RFC5: variants seen among roughly 807,000 people sequenced by gnomAD.
RFC5 encodes the protein A1 36 kDa subunit.
A neutral mutation model predicts 44.3 loss-of-function variants in RFC5; 26 were observed. The ratio of observed to expected loss-of-function variants is 0.59; its 90% CI spans 0.43 to 0.81. The LOEUF is 0.81. Among genes scored for constraint, RFC5 ranks in the 40% least tolerant of loss-of-function variants. The pLI, the probability that RFC5 is intolerant of heterozygous loss-of-function variation, is 0.00. For synonymous variants in RFC5, 155 were observed against 155.2 expected, an observed-to-expected ratio of 1.00 and a Z score of 0.01; for missense variants, 328 against 418.6, an observed-to-expected ratio of 0.78 and a Z score of 1.89.
chr12:118,038,820 A>G, the RFC5 span, among the ~76,000 whole-genome samples: 1 of 152,170 alleles, frequency 6.6e-6, no homozygotes, highest in African/African-American at 2.4e-5. Context: ...AGCTGGGATT[A>G]CAGGGATGTG....
chr12:118,033,947 G>T, downstream of RFC5: 1 of 503,218 alleles, frequency 2.0e-6, no homozygotes, highest in Admixed American at 3.2e-5. Flanking sequence ...GTTCATAACT[G>T]GACTGAAAAT....
At chr12:118,025,237 C>T (rs1270432089) in intron 6 of RFC5, 1 of 461,650 alleles carries the variant, frequency 2.2e-6, no homozygotes, top group Admixed American at 3.9e-5. Context: ...CCATCCTCCT[C>T]CCCTGGAAGC....
chr12:118,028,060 C>T, intron 9 of RFC5, 30 bp downstream of exon 9: 1 of 1,433,678 alleles, frequency 7.0e-7, no homozygotes. Context: ...AGCTGAGAAG[C>T]TGTGGAGAAG....
At position 118,019,532 on chromosome 12, in the gene RFC5, T is replaced by C; in HGVS notation, c.131-100T>C. On this transcript the variant is annotated intron_variant, in intron 2 of 10. Transcript: ENST00000454402. The surrounding 1 kb of genome is among the most constrained non-coding windows in gnomAD (Gnocchi z 4.2). Reference sequence around the variant, plus strand: ...GTTGTATCTGCCTCTGATTTGGACATTGAATTGGGTTGAAGAGCTTTCAGC... The same window carrying C: ...GTTGTATCTGCCTCTGATTTGGACACTGAATTGGGTTGAAGAGCTTTCAGC... 2.2e-6 allele frequency: 3 copies of C among 1,337,122 alleles called. No homozygotes were observed. In the South Asian group the frequency reaches 3.9e-5, roughly 17 times the overall value. The allele number at this position is 1,337,122 out of a possible 1,614,324, so 82.8% of individuals were successfully genotyped here. A position where few individuals can be genotyped will look rare whatever the true frequency, so the allele number is the denominator to read the frequency against.
At chr12:118,038,220 C>T in the RFC5 span, 7 of 1,467,968 alleles carry the variant, frequency 4.8e-6, no homozygotes, top group Non-Finnish European at 6.4e-6. Context: ...AGAACACTCA[C>T]ACACACCAGG....
chr12:118,018,501 G>C (rs1427941831), intron 1 of RFC5, among the ~76,000 whole-genome samples: 2 of 152,162 alleles, frequency 1.3e-5, no homozygotes, highest in Non-Finnish European at 2.9e-5. Context: ...GATATCACTA[G>C]ATGTTCCTAG....
At chr12:118,036,659 G>A (rs2137763620), downstream of RFC5, 1 of 831,690 alleles carries the variant, frequency 1.2e-6, no homozygotes, top group Admixed American at 2.8e-5. Flanking sequence ...CAGAACGTGT[G>A]GTGTAGGTTT....
chr12:118,035,387 C>T, downstream of RFC5: 2 of 1,486,948 alleles, frequency 1.3e-6, no homozygotes, highest in Non-Finnish European at 1.9e-6. Context: ...CCTCCATCAT[C>T]ACCCTAGGCA....
Position 118,019,485 on chromosome 12 carries a change from A to T in RFC5, c.131-147A>T. Reference sequence around the variant, plus strand: ...TGAATTCCAGTTGTTCCACGAAAGTAGATATGAGGCCCCTACATCAAGTTG... The same window carrying T: ...TGAATTCCAGTTGTTCCACGAAAGTTGATATGAGGCCCCTACATCAAGTTG... On this transcript the variant is annotated intron_variant, in intron 2 of 10. Transcript: ENST00000454402. This position sits in a 1 kb window ranked among gnomAD's most constrained non-coding sequence, Gnocchi z 4.2. The T allele has an allele frequency of 1.2e-6, 1 of 820,020 alleles. No homozygotes were observed. Among genetic ancestry groups the T allele is most frequent in the Non-Finnish European group, 2.0e-6 (1 of 505,142 alleles). 50.8% of individuals were successfully genotyped at this position (820,020 alleles called of 1,614,324 possible). A position where few individuals can be genotyped will look rare whatever the true frequency, so the allele number is the denominator to read the frequency against.
At chr12:118,036,267 C>G, downstream of RFC5, 3 of 1,514,178 alleles carry the variant, frequency 2.0e-6, no homozygotes, top group Non-Finnish European at 2.7e-6. Flanking sequence ...CTAAAAGAGA[C>G]ATGTCTAATC....
chr12:118,019,531 A>G lies in RFC5; in HGVS notation c.131-101A>G, dbSNP rs1240328749. 4 of 1,333,616 alleles carry G rather than the reference A, an allele frequency of 3.0e-6. No homozygotes were observed. The East Asian group carries it at 6.9e-5, about 23-fold the overall frequency. The allele number at this position is 1,333,616 out of a possible 1,614,324, so 82.6% of individuals were successfully genotyped here. ...AGTTGTATCTGCCTCTGATTTGGAC[A>G]TTGAATTGGGTTGAAGAGCTTTCAG... On this transcript the variant is annotated intron_variant, in intron 2 of 10. Transcript: ENST00000454402. This position sits in a 1 kb window ranked among gnomAD's most constrained non-coding sequence, Gnocchi z 4.2.
chr12:118,028,063 T>C (rs920881917), intron 9 of RFC5, 33 bp downstream of exon 9: 7 of 1,380,832 alleles, frequency 5.1e-6, no homozygotes, highest in Non-Finnish European at 7.2e-6. Flanking sequence ...TGAGAAGCTG[T>C]GGAGAAGGTA....
downstream of RFC5, among the ~76,000 whole-genome samples, chr12:118,037,675 A>T (rs546758234): frequency 2.4e-4 from 36 of 151,178 alleles, no homozygotes; most frequent in East Asian, 6.8e-3. Context: ...TCTAAAAAAA[A>T]AAAAAAAGAA....
At chr12:118,018,164 TA>T (rs2030232136) in intron 1 of RFC5, 1 of 595,774 alleles carries the variant, frequency 1.7e-6, no homozygotes, top group African/African-American at 1.8e-5. Flanking sequence ...AATTTCTTGT[TA>T]TGGCTGAATC....
chr12:118,041,264 G>T, the RFC5 span, among the ~76,000 whole-genome samples: 2 of 152,120 alleles, frequency 1.3e-5, no homozygotes, highest in Non-Finnish European at 2.9e-5. Flanking sequence ...CTCAGGAATG[G>T]GATTAGTGCC....
downstream of RFC5, chr12:118,035,189 ATG>A: frequency 6.2e-7 from 1 of 1,613,854 alleles, no homozygotes; most frequent in African/African-American, 1.3e-5. Flanking sequence ...TTCTGAGGCC[ATG>A]TAAAGAGAGT....
intron 3 of RFC5, among the ~76,000 whole-genome samples, chr12:118,020,373 C>T (rs954199504): frequency 2.0e-5 from 3 of 152,204 alleles, no homozygotes; most frequent in African/African-American, 7.2e-5. Context: ...CATGGTTTTC[C>T]TATATCACAC....
At position 118,030,005 on chromosome 12, in the gene RFC5, G is replaced by T. The variant is rs5745882; in HGVS notation, c.926+180G>T. On this transcript the variant is annotated intron_variant, in intron 10 of 10. Coordinates refer to ENST00000454402, the MANE Select transcript of RFC5 (RefSeq NM_007370.7). The stretch of plus-strand genomic sequence containing the variant: ...GTGTGAGCTGCTTAAAGAACATGGG[G>T]ATAAATTCACAGGTCAAGTACAGAT... Among the ~76,000 whole-genome samples the T allele has an allele frequency of 4.6e-5, 7 of 152,232 alleles. No individual in the cohort carries two copies. In the South Asian group the frequency reaches 1.5e-3, roughly 32 times the overall value.
the RFC5 span, chr12:118,038,504 AG>A: frequency 1.1e-6 from 1 of 882,154 alleles, no homozygotes; most frequent in Admixed American, 2.9e-5. Context: ...AGCTCCTATC[AG>A]CTGGGCCCAA....
Sources: gnomAD v4.1 joint callset for allele counts (sites outside exome capture counted in the v4.1 genomes callset) on GRCh38, gnomAD v4.1.1 for gene constraint, Gnocchi (gnomAD v3.1) non-coding constraint, MANE v1.5 for transcripts, NCBI Gene and HGNC (gene_info 2026-07-23, HGNC 2026-07-21) for gene names.